SEMA3C: variants seen among roughly 807,000 people sequenced by gnomAD.
The protein encoded by SEMA3C is semaphorin-3C.
A neutral mutation model predicts 89.4 loss-of-function variants in SEMA3C; 47 were observed. That is an observed-to-expected ratio of 0.53 (90% CI 0.42 to 0.67). The LOEUF (loss-of-function observed/expected upper bound fraction) is 0.67, where lower values mean the gene tolerates loss of function less well. Ranked by LOEUF, SEMA3C falls within the 30% of genes least tolerant of loss-of-function variation. The pLI, the probability that SEMA3C is intolerant of heterozygous loss-of-function variation, is 0.00. For missense variants in SEMA3C, 839 were observed against 929.1 expected (o/e 0.90, Z 1.26); for synonymous variants, 310 against 320.2 (o/e 0.97, Z 0.34).
chr7:80,842,876 T>C (rs1790301743), intron 2 of SEMA3C, among the ~76,000 whole-genome samples: 1 of 152,146 alleles, frequency 6.6e-6, no homozygotes. Flanking sequence ...CAGAGACATA[T>C]AAACTGTATT....
At chr7:80,881,063 G>A (rs767497139) in intron 2 of SEMA3C, among the ~76,000 whole-genome samples, 1 of 151,800 alleles carries the variant, frequency 6.6e-6, no homozygotes, top group Non-Finnish European at 1.5e-5. Context: ...ATAATCTACT[G>A]AAGTTAATTT....
chr7:80,771,646 G>C (rs1381614707), intron 12 of SEMA3C, among the ~76,000 whole-genome samples: 1 of 152,162 alleles, frequency 6.6e-6, no homozygotes, highest in Non-Finnish European at 1.5e-5. Flanking sequence ...CATTGGAATA[G>C]TCATTTGTAT....
chr7:80,788,628 A>G (rs1291405724), intron 12 of SEMA3C, among the ~76,000 whole-genome samples: 4 of 152,186 alleles, frequency 2.6e-5, no homozygotes, highest in Non-Finnish European at 4.4e-5. Context: ...AAACAAGCAC[A>G]TTTTCATTCA....
chr7:80,815,624 A>T (rs773315375), intron 5 of SEMA3C, among the ~76,000 whole-genome samples: 17 of 151,270 alleles, frequency 1.1e-4, no homozygotes, highest in Non-Finnish European at 1.6e-4. Flanking sequence ...GATGAAGGTT[A>T]TTTATCAAAG....
intron 2 of SEMA3C, among the ~76,000 whole-genome samples, chr7:80,907,866 T>C (rs1225380733): frequency 6.6e-6 from 1 of 152,030 alleles, no homozygotes; most frequent in Non-Finnish European, 1.5e-5. Context: ...TTTAAAAGGC[T>C]CCAACGTATC....
At chr7:80,827,109 C>T (rs57045593) in intron 4 of SEMA3C, among the ~76,000 whole-genome samples, 5 of 152,080 alleles carry the variant, frequency 3.3e-5, no homozygotes, top group Non-Finnish European at 7.4e-5. Flanking sequence ...GCATTATCAT[C>T]GTTTCAGGAG....
At chr7:80,822,829 T>C (rs1388358579) in intron 4 of SEMA3C, among the ~76,000 whole-genome samples, 1 of 152,166 alleles carries the variant, frequency 6.6e-6, no homozygotes, top group East Asian at 1.9e-4. Flanking sequence ...TTTGTTTTAT[T>C]TGCATTTTAA....
In SEMA3C at chr7:80,779,664, C is replaced by T. The variant is rs79922050; in HGVS notation, c.1354+9642G>A. ...ACCTAAAAATGTGTATGGGTCATGG[C>T]TGACACACTCTTAGGTGACCCTTAA... On this transcript the variant is annotated intron_variant, in intron 12 of 17. Transcript: ENST00000265361. 6.8e-3 allele frequency among the ~76,000 whole-genome samples: 1,041 copies of T among 152,236 alleles called. 14 individuals carry two copies. Among genetic ancestry groups the T allele is most frequent in the African/African-American group, 0.023 (972 of 41,520 alleles).
chr7:80,848,128 C>T (rs1158606509), intron 2 of SEMA3C, among the ~76,000 whole-genome samples: 1 of 152,178 alleles, frequency 6.6e-6, no homozygotes, highest in Non-Finnish European at 1.5e-5. Flanking sequence ...GTAAACTTAA[C>T]TACATCTGAA....
In SEMA3C at chr7:80,751,299, G is replaced by C; in HGVS notation, c.1681C>G (p.Leu561Val). ...AGATTAAATCCTCTGCATTGAGTCA[G>C]TGGGTTTCCATGTCTCACATCTTGT... The part of the protein sequence containing the change: ...RRQDVRHGNP[L>V]TQCRGFNLKA... Residue 561 changes from leucine (L) to valine (V), a missense_variant, in exon 16 of 18, where the codon CTG becomes GTG. Transcript: ENST00000265361. The C allele has an allele frequency of 6.2e-7, 1 of 1,613,984 alleles. No individual in the cohort carries two copies. Among genetic ancestry groups the C allele is most frequent in the Non-Finnish European group, 8.5e-7 (1 of 1,179,926 alleles).
At chr7:80,746,718 G>GGGGT (rs149678378) in intron 17 of SEMA3C, among the ~76,000 whole-genome samples, 1 of 142,930 alleles carries the variant, frequency 7.0e-6, no homozygotes, top group African/African-American at 2.6e-5. Context: ...ATTGAAGTGG[G>GGGGT]GTGTGTGTGT....
intron 2 of SEMA3C, among the ~76,000 whole-genome samples, chr7:80,883,157 T>C (rs1791392844): frequency 6.6e-6 from 1 of 152,214 alleles, no homozygotes; most frequent in South Asian, 2.1e-4. Flanking sequence ...AGCTATCCTA[T>C]ATGTGCTTTT....
chr7:80,919,859 C>G (rs1234481619), upstream of SEMA3C, among the ~76,000 whole-genome samples: 1 of 152,106 alleles, frequency 6.6e-6, no homozygotes, highest in Non-Finnish European at 1.5e-5. Flanking sequence ...CCGCGCCGGG[C>G]CTCTGTTGCG....
intron 5 of SEMA3C, 29 bp from the exon 6 acceptor site, chr7:80,810,730 G>T (rs368473191): frequency 3.3e-6 from 5 of 1,520,486 alleles, no homozygotes; most frequent in East Asian, 4.5e-5. Flanking sequence ...TTAAAATGTG[G>T]CAATGATAAC....
At chr7:80,871,154 A>G (rs1407825891) in intron 2 of SEMA3C, among the ~76,000 whole-genome samples, 2 of 152,230 alleles carry the variant, frequency 1.3e-5, no homozygotes, top group African/African-American at 4.8e-5. Context: ...TTATAGTTGT[A>G]AGAAATGCAC....
chr7:80,786,560 G>GT (rs1211226000), intron 12 of SEMA3C, among the ~76,000 whole-genome samples: 3 of 152,160 alleles, frequency 2.0e-5, no homozygotes, highest in Non-Finnish European at 4.4e-5. Flanking sequence ...AAAGAAAACT[G>GT]TTTTTCTAAC....
At chr7:80,749,342 C>A (rs1422638431) in intron 16 of SEMA3C, among the ~76,000 whole-genome samples, 1 of 152,138 alleles carries the variant, frequency 6.6e-6, no homozygotes, top group African/African-American at 2.4e-5. Context: ...TTACAATACT[C>A]CTGGCCACAT....
chr7:80,797,975 G>T (rs1789106574), intron 11 of SEMA3C, 117 bp downstream of exon 11: 1 of 990,182 alleles, frequency 1.0e-6, no homozygotes, highest in Non-Finnish European at 1.5e-6. Flanking sequence ...TCCACCCTGG[G>T]CAACAGAGTG....
In SEMA3C at chr7:80,827,403, T is replaced by G. The variant is rs757163357; in HGVS notation, c.327+22A>C. ...ATATTTAAGTTAGTGTTTTTTTTTT[T>G]TTTTTTTTTTTTAACACTTACTGTG... On this transcript the variant is annotated intron_variant, in intron 4 of 17. Transcript: ENST00000265361. 8.8e-5 allele frequency: 131 copies of G among 1,491,192 alleles called. 7 individuals are homozygous for G. In the Middle Eastern group the frequency reaches 6.2e-3, roughly 70 times the overall value. The allele number at this position is 1,491,192 out of a possible 1,614,324, so 92.4% of individuals were successfully genotyped here.
Sources: gnomAD v4.1 joint callset for allele counts (sites outside exome capture counted in the v4.1 genomes callset) on GRCh38, gnomAD v4.1.1 for gene constraint, MANE v1.5 for transcripts, NCBI Gene and HGNC (gene_info 2026-07-23, HGNC 2026-07-21) for gene names.